The following DMXL2 variants were observed in gnomAD, a reference collection of about 807,000 sequenced individuals.
DMXL2 encodes the protein Dmx like 2.
Under a neutral mutation model 331.1 loss-of-function variants are expected in DMXL2, and 103 were observed. That is an observed-to-expected ratio of 0.31 (90% CI 0.27 to 0.37). DMXL2 has a LOEUF of 0.37. Among genes scored for constraint, DMXL2 ranks in the 10% least tolerant of loss-of-function variants. The pLI is 1.00. For missense variants in DMXL2, 3,171 were observed against 3,642.9 expected (o/e 0.87, Z 3.33); for synonymous variants, 1,281 against 1,252.1 (o/e 1.02, Z -0.49).
intron 2 of DMXL2, among the ~76,000 whole-genome samples, chr15:51,571,856 C>T (rs977830619): frequency 2.0e-5 from 3 of 152,056 alleles, no homozygotes; most frequent in Non-Finnish European, 4.4e-5. Flanking sequence ...AATTGACACC[C>T]TAACATCACA....
At position 51,600,551 on chromosome 15, in the gene DMXL2, G is replaced by A. The variant is rs776758804; in HGVS notation, c.87+21908C>T. 2.0e-5 allele frequency among the ~76,000 whole-genome samples: 3 copies of A among 152,282 alleles called. No homozygotes were observed. The South Asian group carries it at 6.2e-4, about 32-fold the overall frequency. ...TGGCACCCCTCTTCCTGTTGACCTT[G>A]CAAGGTGTGCTACTTTCTCTTCTCT... On this transcript the variant is annotated intron_variant, in intron 1 of 43. Transcript: ENST00000560891.
intron 22 of DMXL2, among the ~76,000 whole-genome samples, chr15:51,486,944 G>A (rs2042437171): frequency 6.6e-6 from 1 of 151,780 alleles, no homozygotes; most frequent in African/African-American, 2.4e-5. Flanking sequence ...TCATATGCCT[G>A]GGATAATTGT....
intron 20 of DMXL2, 34 bp from the exon 21 acceptor site, chr15:51,488,679 T>C (rs754240422): frequency 6.5e-7 from 1 of 1,532,124 alleles, no homozygotes; most frequent in East Asian, 2.3e-5. Context: ...ATTCACAATT[T>C]GACATAAGAA....
intron 29 of DMXL2, among the ~76,000 whole-genome samples, chr15:51,467,728 T>TA (rs2040713409): frequency 7.1e-6 from 1 of 141,184 alleles, no homozygotes; most frequent in Non-Finnish European, 1.6e-5. Context: ...ACCTAGTACT[T>TA]CTTTTTTTTT....
chr15:51,529,497 A>T (rs561906437), intron 13 of DMXL2, among the ~76,000 whole-genome samples: 1 of 152,292 alleles, frequency 6.6e-6, no homozygotes, highest in African/African-American at 2.4e-5. Context: ...TAAATTGCAA[A>T]ATCTACAAGA....
At chr15:51,468,953 T>TA (rs1028612123) in intron 29 of DMXL2, among the ~76,000 whole-genome samples, 12 of 150,650 alleles carry the variant, frequency 8.0e-5, no homozygotes, top group Admixed American at 4.6e-4. Context: ...GGAGTTAAGT[T>TA]AAAAAAAGAG....
intron 25 of DMXL2, among the ~76,000 whole-genome samples, chr15:51,479,591 C>T (rs1203451825): frequency 1.3e-5 from 2 of 152,154 alleles, no homozygotes; most frequent in African/African-American, 4.8e-5. Context: ...CCCAGATACT[C>T]CCCAACTTGT....
At chr15:51,592,063 G>A (rs905981196) in intron 1 of DMXL2, among the ~76,000 whole-genome samples, 11 of 152,198 alleles carry the variant, frequency 7.2e-5, no homozygotes, top group Non-Finnish European at 1.2e-4. Context: ...AAAGCTGGAC[G>A]GAGAATGACT....
At chr15:51,608,497 C>A (rs1296778490) in intron 1 of DMXL2, among the ~76,000 whole-genome samples, 1 of 152,108 alleles carries the variant, frequency 6.6e-6, no homozygotes. Context: ...AAGGCAGAAA[C>A]AGAAAACCAA....
intron 42 of DMXL2, among the ~76,000 whole-genome samples, chr15:51,451,169 T>C (rs1054004323): frequency 6.6e-6 from 1 of 152,186 alleles, no homozygotes; most frequent in African/African-American, 2.4e-5. Flanking sequence ...GGCTCATGCT[T>C]GTAATCCCAG....
At chr15:51,509,870 G>A (rs2046647491) in intron 15 of DMXL2, among the ~76,000 whole-genome samples, 1 of 152,138 alleles carries the variant, frequency 6.6e-6, no homozygotes, top group South Asian at 2.1e-4. Context: ...GATCAAGTCG[G>A]CTTCATCCCT....
chr15:51,464,684 G>GT lies in DMXL2; in HGVS notation c.7798dup (p.Thr2600AsnfsTer22). 1 of 1,613,716 alleles carries GT rather than the reference G, an allele frequency of 6.2e-7. No homozygotes were observed. Among genetic ancestry groups the GT allele is most frequent in the Non-Finnish European group, 8.5e-7 (1 of 1,179,742 alleles). ...ATAAGAGCTTTCTTACTTGAATGGG[G>GT]TATTTTCAGGTTCTAGCATTGCTTT... On this transcript the variant is annotated frameshift_variant, in exon 32 of 44. Coordinates refer to ENST00000560891, the MANE Select transcript of DMXL2 (RefSeq NM_001378457.1). LOFTEE classifies it high-confidence loss of function.
At chr15:51,545,541 A>G in intron 8 of DMXL2, 42 bp downstream of exon 8, 1 of 1,571,594 alleles carries the variant, frequency 6.4e-7, no homozygotes, top group Non-Finnish European at 8.7e-7. Flanking sequence ...CCAGGCTCAC[A>G]TTATCTTCAA....
Position 51,488,611 on chromosome 15 carries a change from G to A in DMXL2, c.4988C>T (p.Ala1663Val), listed in dbSNP as rs1349583139. ...AKASFQRNND[A>V]LDAALFYLSM... ...AAGGTAGAATAGTGCAGCATCTAAG[G>A]CATCATTGTTCCTTTGAAAAGAAGC... The change falls in exon 21 of 44, where the codon GCC becomes GTC. Residue 1663 changes from alanine to valine, a missense_variant. Ala to Val is a moderately conservative substitution (Grantham distance 64, BLOSUM62 0). This residue lies in a region of DMXL2 where 252 missense variants were observed against 387.4 expected (regional missense o/e 0.65). Transcript: ENST00000560891. 1 of 1,612,174 alleles carries A rather than the reference G, an allele frequency of 6.2e-7. No homozygotes were observed. Among genetic ancestry groups the A allele is most frequent in the Non-Finnish European group, 8.5e-7 (1 of 1,179,508 alleles).
intron 8 of DMXL2, among the ~76,000 whole-genome samples, chr15:51,543,484 A>T (rs1467664651): frequency 6.6e-6 from 1 of 152,198 alleles, no homozygotes; most frequent in Non-Finnish European, 1.5e-5. Context: ...TAATAGGGTT[A>T]AGATTGACAT....
At chr15:51,615,575 T>G (rs771998470) in intron 1 of DMXL2, among the ~76,000 whole-genome samples, 1 of 152,216 alleles carries the variant, frequency 6.6e-6, no homozygotes, top group Non-Finnish European at 1.5e-5. Context: ...CTCCAGACAC[T>G]GCCAAATGTC....
At chr15:51,459,707 G>T (rs1294811240) in intron 33 of DMXL2, 47 bp from the exon 34 acceptor site, 1 of 1,286,920 alleles carries the variant, frequency 7.8e-7, no homozygotes, top group South Asian at 1.2e-5. Flanking sequence ...TGCATGGAAT[G>T]AAATTATAAA....
intron 23 of DMXL2, among the ~76,000 whole-genome samples, chr15:51,484,632 T>C (rs920665137): frequency 6.6e-6 from 1 of 151,810 alleles, no homozygotes; most frequent in African/African-American, 2.4e-5. Context: ...TAGAAATCAA[T>C]GTAGAAACAC....
intron 1 of DMXL2, among the ~76,000 whole-genome samples, chr15:51,610,754 C>T (rs994505329): frequency 4.9e-5 from 7 of 144,040 alleles, no homozygotes; most frequent in Non-Finnish European, 9.1e-5. Context: ...GGCGACAGAG[C>T]GAGACTCCAT....
Sources: allele counts gnomAD v4.1 joint callset (sites outside exome capture counted in the v4.1 genomes callset), GRCh38; gene constraint gnomAD v4.1.1; regional missense constraint gnomAD v4.1.1; transcripts MANE v1.5; gene names NCBI Gene and HGNC (gene_info 2026-07-23, HGNC 2026-07-21).